Variants in MCTP2 observed in about 807,000 individuals in gnomAD.
MCTP2 encodes multiple C2 and transmembrane domain-containing protein 2.
A neutral mutation model predicts 111.6 loss-of-function variants in MCTP2; 132 were observed. The observed-to-expected ratio is 1.18, with a 90% CI of 1.03 to 1.37. MCTP2 has a LOEUF of 1.37. MCTP2 is among the 40% of genes most tolerant of loss of function. The pLI, the probability that MCTP2 is intolerant of heterozygous loss-of-function variation, is 0.00. For synonymous variants in MCTP2, 395 were observed against 387.7 expected, an observed-to-expected ratio of 1.02 and a Z score of -0.22; for missense variants, 1,183 against 1,067.9, an observed-to-expected ratio of 1.11 and a Z score of -1.50.
intron 2 of MCTP2, among the ~76,000 whole-genome samples, chr15:94,301,939 C>T (rs2075635010): frequency 6.6e-6 from 1 of 151,192 alleles, no homozygotes; most frequent in Non-Finnish European, 1.5e-5. Flanking sequence ...CTGTTTCTTC[C>T]TAGTTAATAG....
chr15:94,370,017 A>G (rs574293700), intron 11 of MCTP2, 70 bp from the exon 12 acceptor site: 13 of 996,980 alleles, frequency 1.3e-5, no homozygotes, highest in East Asian at 1.3e-4. Flanking sequence ...TGCACTTCCT[A>G]TAGGACTTTA....
chr15:94,308,650 A>G (rs1245394117), intron 2 of MCTP2, among the ~76,000 whole-genome samples: 1 of 152,228 alleles, frequency 6.6e-6, no homozygotes, highest in African/African-American at 2.4e-5. Context: ...AACTTACGGC[A>G]GGTCAGTGGA....
chr15:94,242,946 G>GGTACAC (rs1246126343), intron 1 of MCTP2, among the ~76,000 whole-genome samples: 3 of 86,158 alleles, frequency 3.5e-5, no homozygotes, highest in African/African-American at 1.2e-4. Context: ...TGTATATGTA[G>GGTACAC]ATACACATAT....
At chr15:94,372,700 T>C (rs1387219902) in intron 12 of MCTP2, among the ~76,000 whole-genome samples, 1 of 152,152 alleles carries the variant, frequency 6.6e-6, no homozygotes, top group Non-Finnish European at 1.5e-5. Context: ...ATGCCTTCCA[T>C]TTTCCAGTCA....
In MCTP2 at chr15:94,478,962, A is replaced by T; in HGVS notation, c.2569-4A>T. The T allele has an allele frequency of 1.2e-6, 2 of 1,613,878 alleles. No individual in the cohort carries two copies. The highest frequency in any genetic ancestry group is 1.7e-6 in the Non-Finnish European group (2 of 1,179,942). On this transcript the variant is annotated splice_region_variant and splice_polypyrimidine_tract_variant and intron_variant, in intron 22 of 22. Coordinates refer to ENST00000357742, the MANE Select transcript of MCTP2 (RefSeq NM_001385001.1). The stretch of plus-strand genomic sequence containing the variant: ...GCCAGCATCACGGCTATTTGTTTTC[A>T]CAGGTGCAGTATGCAGAATTGAAAC...
Position 94,244,351 on chromosome 15 carries a change from C to T in MCTP2, c.-66+12687C>T, listed in dbSNP as rs146551433. Among the ~76,000 whole-genome samples the T allele has an allele frequency of 8.4e-3, 1,253 of 148,474 alleles. 19 individuals are homozygous for T. The highest frequency in any genetic ancestry group is 0.03 in the African/African-American group (1,194 of 40,402). ...ATGTATATATACACGTATACGTATA[C>T]ACATACATATGTATATATACGTATA... On this transcript the variant is annotated intron_variant, in intron 1 of 22. Transcript: ENST00000357742.
chr15:94,439,569 T>C (rs56085525), intron 17 of MCTP2, among the ~76,000 whole-genome samples: 6,947 of 152,278 alleles, frequency 0.046, 493 homozygotes, highest in African/African-American at 0.15. Context: ...GCATAGGCAG[T>C]TGGACTCAGT....
At chr15:94,382,597 G>A (rs558974741) in intron 12 of MCTP2, among the ~76,000 whole-genome samples, 1 of 152,348 alleles carries the variant, frequency 6.6e-6, no homozygotes, top group South Asian at 2.1e-4. Flanking sequence ...GCTCCTGCAA[G>A]TATCAGTATC....
At chr15:94,323,755 G>C (rs1051642392) in intron 4 of MCTP2, among the ~76,000 whole-genome samples, 1 of 152,148 alleles carries the variant, frequency 6.6e-6, no homozygotes, top group African/African-American at 2.4e-5. Context: ...AATCCGCATA[G>C]GAAGAATGGC....
chr15:94,376,816 A>G (rs561260912), intron 12 of MCTP2, among the ~76,000 whole-genome samples: 1 of 152,304 alleles, frequency 6.6e-6, no homozygotes, highest in Non-Finnish European at 1.5e-5. Context: ...AATATGCTTC[A>G]TGGTAGAGAA....
At chr15:94,452,248 G>T (rs1353209775) in intron 19 of MCTP2, among the ~76,000 whole-genome samples, 1 of 152,152 alleles carries the variant, frequency 6.6e-6, no homozygotes, top group Admixed American at 6.5e-5. Context: ...AAAGAGAAAA[G>T]ACCCATAAAA....
intron 1 of MCTP2, among the ~76,000 whole-genome samples, chr15:94,251,985 GAAT>G (rs1337757800): frequency 6.6e-6 from 1 of 152,158 alleles, no homozygotes; most frequent in Non-Finnish European, 1.5e-5. Flanking sequence ...CTTAAAGGCT[GAAT>G]AATAATATGT....
chr15:94,258,956 T>C (rs1480527575), intron 1 of MCTP2, among the ~76,000 whole-genome samples: 1 of 152,252 alleles, frequency 6.6e-6, no homozygotes, highest in African/African-American at 2.4e-5. Context: ...TTATAAATTA[T>C]GTACATGTAC....
chr15:94,255,594 G>A (rs1417024048), intron 1 of MCTP2, among the ~76,000 whole-genome samples: 1 of 152,160 alleles, frequency 6.6e-6, no homozygotes, highest in Non-Finnish European at 1.5e-5. Flanking sequence ...GGCCAAGGAA[G>A]GGACGTTGCA....
intron 17 of MCTP2, among the ~76,000 whole-genome samples, chr15:94,433,171 A>G (rs756945896): frequency 6.6e-6 from 1 of 152,166 alleles, no homozygotes; most frequent in Non-Finnish European, 1.5e-5. Context: ...TCTTGAAGGT[A>G]TTTTTATCTT....
chr15:94,435,105 TC>T (rs1400357485), intron 17 of MCTP2, among the ~76,000 whole-genome samples: 1 of 152,158 alleles, frequency 6.6e-6, no homozygotes, highest in Non-Finnish European at 1.5e-5. Flanking sequence ...CTTCAGGTGA[TC>T]CACCTGTGTT....
chr15:94,394,080 A>G (rs1255514655), intron 14 of MCTP2, among the ~76,000 whole-genome samples: 2 of 151,762 alleles, frequency 1.3e-5, no homozygotes, highest in Non-Finnish European at 2.9e-5. Flanking sequence ...AAATGTAAAA[A>G]ACGTGGTAGC....
intron 1 of MCTP2, among the ~76,000 whole-genome samples, chr15:94,265,670 ATAT>A (rs922196026): frequency 1.3e-4 from 20 of 152,190 alleles, no homozygotes; most frequent in Admixed American, 9.8e-4. Flanking sequence ...ACTTTAATAA[ATAT>A]TATTCAGTTG....
intron 19 of MCTP2, 40 bp downstream of exon 19, chr15:94,443,000 A>G: frequency 1.3e-6 from 2 of 1,570,648 alleles, no homozygotes; most frequent in Non-Finnish European, 1.7e-6. Flanking sequence ...AAAAAACACT[A>G]GTGTTGTCAA....
Sources: gnomAD v4.1 joint callset for allele counts (sites outside exome capture counted in the v4.1 genomes callset) on GRCh38, gnomAD v4.1.1 for gene constraint, MANE v1.5 for transcripts, NCBI Gene and HGNC (gene_info 2026-07-23, HGNC 2026-07-21) for gene names.